Variants in SERPINE2 observed in about 807,000 individuals in gnomAD.
The protein encoded by SERPINE2 is serpin family E member 2, also known as glia-derived nexin.
A neutral mutation model predicts 36.3 loss-of-function variants in SERPINE2; 14 were observed. The ratio of observed to expected loss-of-function variants is 0.39; its 90% CI spans 0.25 to 0.60. SERPINE2 has a LOEUF of 0.60. Among genes scored for constraint, SERPINE2 ranks in the 20% least tolerant of loss-of-function variants. The probability of loss-of-function intolerance (pLI) is 0.57; values close to 1 mark genes in which losing one functional copy is unlikely to be tolerated. For synonymous variants in SERPINE2, 192 were observed against 191.8 expected, an observed-to-expected ratio of 1.00 and a Z score of -0.01; for missense variants, 418 against 499.6, an observed-to-expected ratio of 0.84 and a Z score of 1.56.
chr2:224,027,610 A>G (rs1282578145), intron 1 of SERPINE2, among the ~76,000 whole-genome samples: 1 of 152,134 alleles, frequency 6.6e-6, no homozygotes, highest in Non-Finnish European at 1.5e-5. Flanking sequence ...TTTTATCACC[A>G]TGATAATAAA....
chr2:224,011,045 G>T (rs976509351), intron 1 of SERPINE2, among the ~76,000 whole-genome samples: 1 of 152,172 alleles, frequency 6.6e-6, no homozygotes, highest in Non-Finnish European at 1.5e-5. Context: ...GGGAATGGAG[G>T]GGGAGGGGTG....
intron 4 of SERPINE2, among the ~76,000 whole-genome samples, chr2:223,989,023 G>A (rs1348990577): frequency 6.6e-6 from 1 of 152,254 alleles, no homozygotes; most frequent in East Asian, 1.9e-4. Context: ...ACTTAATAGG[G>A]AATTTTATCC....
At chr2:223,977,152 AGG>A (rs1465785497) in intron 8 of SERPINE2, among the ~76,000 whole-genome samples, 1 of 152,174 alleles carries the variant, frequency 6.6e-6, no homozygotes, top group Non-Finnish European at 1.5e-5. Context: ...TACCCACTCT[AGG>A]GTATTTCTTC....
At chr2:224,020,183 T>C (rs962227240) in intron 1 of SERPINE2, among the ~76,000 whole-genome samples, 3 of 152,276 alleles carry the variant, frequency 2.0e-5, no homozygotes, top group African/African-American at 4.8e-5. Flanking sequence ...CCTAGTAATA[T>C]TTATGAACAA....
At chr2:223,996,288 C>T (rs1398908965) in intron 3 of SERPINE2, among the ~76,000 whole-genome samples, 1 of 152,198 alleles carries the variant, frequency 6.6e-6, no homozygotes, top group Non-Finnish European at 1.5e-5. Context: ...AGAACCAGTC[C>T]TGAGGGCGTC....
chr2:223,990,391 TA>T (rs1226245500), intron 4 of SERPINE2, among the ~76,000 whole-genome samples: 146 of 152,354 alleles, frequency 9.6e-4, no homozygotes, highest in East Asian at 7.7e-4. Context: ...CCCTGACATG[TA>T]ACTCTCTGGG....
At chr2:223,977,304 A>G (rs1690050669) in intron 8 of SERPINE2, among the ~76,000 whole-genome samples, 1 of 152,238 alleles carries the variant, frequency 6.6e-6, no homozygotes, top group Non-Finnish European at 1.5e-5. Flanking sequence ...CCTCTCTGTT[A>G]AAAACAACAA....
chr2:223,983,753 TGTGTGTG>T (rs769907789), intron 5 of SERPINE2, among the ~76,000 whole-genome samples: 28 of 144,166 alleles, frequency 1.9e-4, no homozygotes, highest in Non-Finnish European at 3.2e-4. Flanking sequence ...TGTGTGTGTG[TGTGTGTG>T]TGTGTAAATG....
intron 4 of SERPINE2, among the ~76,000 whole-genome samples, chr2:223,989,074 A>G (rs1042729379): frequency 1.3e-5 from 2 of 152,212 alleles, no homozygotes; most frequent in Non-Finnish European, 2.9e-5. Flanking sequence ...TTTCTGCCAT[A>G]TATATTGTAC....
chr2:224,006,670 C>CA (rs1262254434), intron 1 of SERPINE2, among the ~76,000 whole-genome samples: 3 of 152,158 alleles, frequency 2.0e-5, no homozygotes, highest in Non-Finnish European at 4.4e-5. Flanking sequence ...TTGGTAGACA[C>CA]AAAATCAGAG....
intron 1 of SERPINE2, chr2:224,038,517 C>G: frequency 6.4e-7 from 1 of 1,551,542 alleles, no homozygotes; most frequent in Non-Finnish European, 8.7e-7. Flanking sequence ...CCTCGCAACT[C>G]CCGTTTCTAC....
intron 2 of SERPINE2, 55 bp downstream of exon 2, chr2:224,001,587 C>T: frequency 6.4e-7 from 1 of 1,565,116 alleles, no homozygotes. Flanking sequence ...ATAAACCCTC[C>T]TGTCACAAGA....
chr2:224,026,554 C>T (rs1692192814), intron 1 of SERPINE2, among the ~76,000 whole-genome samples: 1 of 152,166 alleles, frequency 6.6e-6, no homozygotes, highest in Non-Finnish European at 1.5e-5. Flanking sequence ...TTTTTGCGAA[C>T]TCTTAATGAT....
intron 3 of SERPINE2, 95 bp downstream of exon 3, chr2:223,998,020 T>G: frequency 1.0e-6 from 1 of 963,288 alleles, no homozygotes; most frequent in Non-Finnish European, 1.6e-6. Flanking sequence ...CACAGGCCAT[T>G]GAATTGGACT....
chr2:224,017,568 C>T (rs922637911), intron 1 of SERPINE2, among the ~76,000 whole-genome samples: 2 of 152,134 alleles, frequency 1.3e-5, no homozygotes, highest in Non-Finnish European at 2.9e-5. Context: ...GGATTTAGGA[C>T]ACTATACATG....
At chr2:224,016,862 G>A (rs1257290324) in intron 1 of SERPINE2, among the ~76,000 whole-genome samples, 1 of 152,166 alleles carries the variant, frequency 6.6e-6, no homozygotes, top group East Asian at 1.9e-4. Context: ...GAATGGAAAA[G>A]CCTATTTCAA....
At chr2:223,990,534 G>A (rs1184842261) in intron 4 of SERPINE2, among the ~76,000 whole-genome samples, 1 of 151,594 alleles carries the variant, frequency 6.6e-6, no homozygotes, top group Non-Finnish European at 1.5e-5. Context: ...TTTTCAGCAA[G>A]AGAAACATAC....
chr2:224,034,803 A>T (rs2106206365), intron 1 of SERPINE2, among the ~76,000 whole-genome samples: 1 of 152,292 alleles, frequency 6.6e-6, no homozygotes, highest in Non-Finnish European at 1.5e-5. Flanking sequence ...GGGGGCTGCG[A>T]GGAAGTGGGG....
chr2:223,980,256 G>C, intron 7 of SERPINE2, 55 bp downstream of exon 7: 1 of 1,397,898 alleles, frequency 7.2e-7, no homozygotes, highest in Non-Finnish European at 1.0e-6. Flanking sequence ...TGAGTATACA[G>C]GAATGTGTTT....
Sources: gnomAD v4.1 joint callset for allele counts (sites outside exome capture counted in the v4.1 genomes callset) on GRCh38, gnomAD v4.1.1 for gene constraint, MANE v1.5 for transcripts, NCBI Gene and HGNC (gene_info 2026-07-23, HGNC 2026-07-21) for gene names.